GMDS: variants seen among roughly 807,000 people sequenced by gnomAD.
The protein encoded by GMDS is GDP-mannose 4,6 dehydratase.
Under a neutral mutation model 49.9 loss-of-function variants are expected in GMDS, and 20 were observed. The ratio of observed to expected loss-of-function variants is 0.40; its 90% CI spans 0.28 to 0.58. GMDS has a LOEUF of 0.58. Among genes scored for constraint, GMDS ranks in the 20% least tolerant of loss-of-function variants. GMDS has a pLI of 0.42. For missense variants in GMDS, 362 were observed against 481.4 expected, an observed-to-expected ratio of 0.75 and a Z score of 2.32; for synonymous variants, 177 against 178.6, an observed-to-expected ratio of 0.99 and a Z score of 0.07.
rs184739179 is a variant in GMDS, at chr6:2,064,172, G to A, written c.345+51599C>T. Among the ~76,000 whole-genome samples the A allele has an allele frequency of 8.1e-4, 122 of 151,118 alleles. No homozygotes were observed. In the East Asian group the frequency reaches 0.021, roughly 26 times the overall value. ...ATCTCATATTTTCATCACCTGAAAA[G>A]TAGACCCTGCATAAGTTATGTTTTC... On this transcript the variant is annotated intron_variant, in intron 4 of 10. Transcript: ENST00000380815.
intron 9 of GMDS, among the ~76,000 whole-genome samples, chr6:1,702,107 C>A (rs1368784501): frequency 6.6e-6 from 1 of 152,246 alleles, no homozygotes; most frequent in South Asian, 2.1e-4. Flanking sequence ...GGAAGAAAGG[C>A]GCCACAACGC....
At chr6:1,951,945 C>A in intron 6 of GMDS, 1 of 984,574 alleles carries the variant, frequency 1.0e-6, no homozygotes, top group Non-Finnish European at 1.2e-6. Flanking sequence ...CTGAGGTGGC[C>A]CACTCAGTGT....
rs1774912368 is a variant in GMDS, at chr6:2,117,543, A to G, written c.161T>C (p.Val54Ala). 3 of 1,599,708 alleles carry G rather than the reference A, an allele frequency of 1.9e-6. No individual in the cohort carries two copies. The highest frequency in any genetic ancestry group is 2.6e-6 in the Non-Finnish European group (3 of 1,166,788). Reference sequence around the variant, plus strand: ...CGTATTAAATGAACTGGACCGCCGTACAATTCCATGGACCTGAGTTTTTAC... The same window carrying G: ...CGTATTAAATGAACTGGACCGCCGTGCAATTCCATGGACCTGAGTTTTTAC... Reference protein sequence around the residue: ...LEKGYEVHGIVRRSSSFNTGR... With the variant: ...LEKGYEVHGIARRSSSFNTGR... The change falls in exon 3 of 11, where the codon GTA (valine) becomes GCA (alanine). Residue 54 changes from valine to alanine, a missense_variant. Physicochemically the swap from Val to Ala is moderately conservative, Grantham distance 64. Coordinates refer to ENST00000380815, the MANE Select transcript of GMDS (RefSeq NM_001500.4).
At position 1,661,785 on chromosome 6, in the gene GMDS, T is replaced by TG. The variant is rs112661730; in HGVS notation, c.988-37246dup. ...CCACTGCTGGGTCCAGCTGCAGTGATGGGGGGTGCAGCCCTTGCTTCAGCA... is the reference window on the plus strand; with the variant it reads ...CCACTGCTGGGTCCAGCTGCAGTGATGGGGGGGTGCAGCCCTTGCTTCAGCA... On this transcript the variant is annotated intron_variant, in intron 9 of 10. Transcript: ENST00000380815. 8.0e-4 allele frequency among the ~76,000 whole-genome samples: 121 copies of TG among 152,102 alleles called. 1 individual carries two copies. The highest frequency in any genetic ancestry group is 2.8e-3 in the African/African-American group (118 of 41,490).
intron 9 of GMDS, among the ~76,000 whole-genome samples, chr6:1,722,786 A>G (rs1766431179): frequency 6.6e-6 from 1 of 152,244 alleles, no homozygotes; most frequent in Non-Finnish European, 1.5e-5. Context: ...TGAACACACA[A>G]TGCAATAAAT....
At chr6:2,100,853 T>C (rs1160033827) in intron 4 of GMDS, among the ~76,000 whole-genome samples, 2 of 152,078 alleles carry the variant, frequency 1.3e-5, no homozygotes, top group Non-Finnish European at 2.9e-5. Context: ...ACTCTTTTTA[T>C]AGTTGTTTTA....
Position 1,893,040 on chromosome 6 carries a change from G to A in GMDS, c.771+37063C>T, listed in dbSNP as rs191758508. On this transcript the variant is annotated intron_variant, in intron 7 of 10. Coordinates refer to ENST00000380815, the MANE Select transcript of GMDS (RefSeq NM_001500.4). ...AAGTCCCAAAGAGGGCAACGAAAGT[G>A]CAAGGCAAAGAACTGGCTTTCGGCT... Among the ~76,000 whole-genome samples the A allele has an allele frequency of 1.2e-4, 19 of 152,290 alleles. No homozygotes were observed. In the East Asian group the frequency reaches 3.7e-3, roughly 29 times the overall value.
chr6:1,843,237 A>G (rs1429976459), intron 7 of GMDS, among the ~76,000 whole-genome samples: 3 of 152,236 alleles, frequency 2.0e-5, no homozygotes, highest in East Asian at 3.8e-4. Flanking sequence ...CAGTGAGCCA[A>G]CATCACTGTC....
At chr6:2,050,776 A>C (rs540968476) in intron 4 of GMDS, among the ~76,000 whole-genome samples, 6 of 152,228 alleles carry the variant, frequency 3.9e-5, no homozygotes, top group African/African-American at 1.2e-4. Context: ...AACAACAAAA[A>C]CCACATGATT....
rs548238631 is a variant in GMDS, at chr6:1,959,977, G to A, written c.539-6C>T. The A allele has an allele frequency of 8.3e-6, 13 of 1,561,640 alleles. No individual in the cohort carries two copies. The East Asian group carries it at 1.8e-4, about 22-fold the overall frequency. On this transcript the variant is annotated splice_region_variant and splice_polypyrimidine_tract_variant and intron_variant, in intron 5 of 10. Coordinates refer to ENST00000380815, the MANE Select transcript of GMDS (RefSeq NM_001500.4). ...GGCATAGAGTTTTGCTGCCCCTGTT[G>A]GAATAATTTTTTTTAAGCAATGAAG...
chr6:1,751,065 A>G (rs1227712802), intron 7 of GMDS, among the ~76,000 whole-genome samples: 1 of 152,120 alleles, frequency 6.6e-6, no homozygotes, highest in African/African-American at 2.4e-5. Context: ...AAAGGCAGCA[A>G]CCCCAGTCAG....
chr6:2,211,753 C>T (rs1027011903), intron 1 of GMDS, among the ~76,000 whole-genome samples: 1 of 152,142 alleles, frequency 6.6e-6, no homozygotes, highest in Admixed American at 6.6e-5. Context: ...GGTCAGAAAA[C>T]AGACATTAGT....
In GMDS at chr6:2,191,818, G is replaced by A. The variant is rs753801435; in HGVS notation, c.102+53503C>T. Among the ~76,000 whole-genome samples, 14 of 152,176 alleles carry A rather than the reference G, an allele frequency of 9.2e-5. No homozygotes were observed. The highest frequency in any genetic ancestry group is 1.6e-4 in the Non-Finnish European group (11 of 68,006). On this transcript the variant is annotated intron_variant, in intron 1 of 10. Coordinates refer to ENST00000380815, the MANE Select transcript of GMDS (RefSeq NM_001500.4). This position sits in a 1 kb window ranked among gnomAD's most constrained non-coding sequence, Gnocchi z 4.6. The stretch of plus-strand genomic sequence containing the variant: ...CCATGGCAGGAAGCAGACAGGCTCC[G>A]GGGTGGAAGGGGGTAGGTCCCTGGT...
intron 1 of GMDS, among the ~76,000 whole-genome samples, chr6:2,150,317 A>G (rs1283851948): frequency 1.3e-5 from 2 of 152,192 alleles, no homozygotes; most frequent in Non-Finnish European, 2.9e-5. Flanking sequence ...TGGGAGGCTG[A>G]GGTGGGACCA....
intron 4 of GMDS, among the ~76,000 whole-genome samples, chr6:2,074,919 T>G (rs934007758): frequency 3.9e-5 from 6 of 152,234 alleles, no homozygotes; most frequent in African/African-American, 7.2e-5. Context: ...CCCTAACGTA[T>G]GCTCTTGGTG....
chr6:1,857,231 G>A (rs1233685840), intron 7 of GMDS, among the ~76,000 whole-genome samples: 1 of 152,206 alleles, frequency 6.6e-6, no homozygotes, highest in Non-Finnish European at 1.5e-5. Flanking sequence ...TTGTTGTAGT[G>A]AACGTAACTG....
At chr6:1,999,969 A>ATT (rs1167679250) in intron 4 of GMDS, among the ~76,000 whole-genome samples, 3 of 10,898 alleles carry the variant, frequency 2.8e-4, no homozygotes, top group African/African-American at 7.1e-4. Flanking sequence ...TTATATATAT[A>ATT]TTATATATAT....
At chr6:2,078,460 T>C (rs1187746469) in intron 4 of GMDS, among the ~76,000 whole-genome samples, 1 of 152,120 alleles carries the variant, frequency 6.6e-6, no homozygotes, top group Admixed American at 6.5e-5. Context: ...TTTTGGTATG[T>C]TGTGTTTCCA....
chr6:1,637,270 C>T (rs1015329769), intron 9 of GMDS, among the ~76,000 whole-genome samples: 4 of 152,246 alleles, frequency 2.6e-5, no homozygotes, highest in Non-Finnish European at 5.9e-5. Flanking sequence ...TAAGGCCTTT[C>T]CAGGCATCTC....
Sources: gnomAD v4.1 joint callset for allele counts (sites outside exome capture counted in the v4.1 genomes callset) on GRCh38, gnomAD v4.1.1 for gene constraint, Gnocchi (gnomAD v3.1) non-coding constraint, MANE v1.5 for transcripts, NCBI Gene and HGNC (gene_info 2026-07-23, HGNC 2026-07-21) for gene names.